Variants in STXBP5 observed in about 807,000 individuals in gnomAD.
STXBP5 encodes the protein syntaxin binding protein 5.
Under a neutral mutation model 152.4 loss-of-function variants are expected in STXBP5, and 50 were observed. The observed-to-expected ratio is 0.33, with a 90% CI of 0.26 to 0.42. The LOEUF (loss-of-function observed/expected upper bound fraction) is 0.42, where lower values mean the gene tolerates loss of function less well. Among genes scored for constraint, STXBP5 ranks in the 10% least tolerant of loss-of-function variants. The pLI, the probability that STXBP5 is intolerant of heterozygous loss-of-function variation, is 1.00. For missense variants in STXBP5, 1,167 were observed against 1,388.6 expected (o/e 0.84, Z 2.54); for synonymous variants, 492 against 494.7 (o/e 0.99, Z 0.07).
intron 25 of STXBP5, among the ~76,000 whole-genome samples, chr6:147,365,415 T>G (rs1403478163): frequency 6.6e-6 from 1 of 152,230 alleles, no homozygotes; most frequent in Non-Finnish European, 1.5e-5. Context: ...TTAATTCATT[T>G]CCATCTGAAA....
At position 147,313,213 on chromosome 6, in the gene STXBP5, G is replaced by A. The variant is rs56700189; in HGVS notation, c.1146-671G>A. On this transcript the variant is annotated intron_variant, in intron 11 of 27. Transcript: ENST00000321680. Reference sequence around the variant, plus strand: ...CTAATTTTTGCAAATTAGCCACTTTGCACTTTTTAAATTTTTTAGCCAGTT... The same window carrying A: ...CTAATTTTTGCAAATTAGCCACTTTACACTTTTTAAATTTTTTAGCCAGTT... 7.2e-3 allele frequency among the ~76,000 whole-genome samples: 1,098 copies of A among 152,152 alleles called. 14 individuals carry two copies. The highest frequency in any genetic ancestry group is 0.025 in the African/African-American group (1,053 of 41,518).
intron 2 of STXBP5, among the ~76,000 whole-genome samples, 161 bp from the exon 3 acceptor site, chr6:147,235,089 T>C (rs182041001): frequency 1.1e-4 from 16 of 152,236 alleles, no homozygotes; most frequent in South Asian, 6.2e-4. Flanking sequence ...CAACAGAAAC[T>C]ATTAGATTGA....
rs369424488 is a variant in STXBP5 at position 147,239,212 on chromosome 6, T to C, written c.373T>C (p.Trp125Arg). The change falls in exon 4 of 28, where the codon TGG (tryptophan) becomes CGG (arginine). Residue 125 changes from tryptophan to arginine, a missense_variant. Physicochemically the swap from Trp to Arg is moderately radical, Grantham distance 101. Coordinates refer to ENST00000321680, the MANE Select transcript of STXBP5 (RefSeq NM_001127715.4). ...SALADDTLHLWNLRQKRPAIL... is the reference protein window; with the variant it reads ...SALADDTLHLRNLRQKRPAIL... ...CTTGGCTGATGACACCTTACACTTATGGAATTTACGTCAGAAGAGGCCTGC... is the reference window on the plus strand; with the variant it reads ...CTTGGCTGATGACACCTTACACTTACGGAATTTACGTCAGAAGAGGCCTGC... The C allele has an allele frequency of 3.7e-6, 6 of 1,613,738 alleles. No homozygotes were observed. Among genetic ancestry groups the C allele is most frequent in the Non-Finnish European group, 5.1e-6 (6 of 1,179,812 alleles).
intron 4 of STXBP5, among the ~76,000 whole-genome samples, chr6:147,248,184 G>A (rs555073181): frequency 6.6e-6 from 1 of 151,816 alleles, no homozygotes; most frequent in East Asian, 1.9e-4. Context: ...GGAGCCTGAG[G>A]CAGGGAGAAT....
intron 26 of STXBP5, among the ~76,000 whole-genome samples, chr6:147,379,490 C>G (rs1244212206): frequency 1.2e-4 from 18 of 152,082 alleles, no homozygotes. Flanking sequence ...CCAGTTCTCT[C>G]AAAACTGATG....
At chr6:147,216,135 T>C (rs1777153015) in intron 2 of STXBP5, among the ~76,000 whole-genome samples, 1 of 152,176 alleles carries the variant, frequency 6.6e-6, no homozygotes, top group Admixed American at 6.5e-5. Context: ...CTCACGCCTG[T>C]AATCCCAGCG....
chr6:147,383,397 A>G (rs1174943027), intron 27 of STXBP5, among the ~76,000 whole-genome samples: 1 of 152,132 alleles, frequency 6.6e-6, no homozygotes, highest in Admixed American at 6.6e-5. Flanking sequence ...TAAAATTGAC[A>G]AACCTTTTTA....
chr6:147,284,928 G>A (rs1312375834), intron 8 of STXBP5, among the ~76,000 whole-genome samples: 1 of 152,166 alleles, frequency 6.6e-6, no homozygotes, highest in Non-Finnish European at 1.5e-5. Context: ...TAGTACATCA[G>A]GTGGGCTGGA....
chr6:147,235,221 C>T (rs987064673), intron 2 of STXBP5, 29 bp from the exon 3 acceptor site: 21 of 1,602,898 alleles, frequency 1.3e-5, no homozygotes, highest in Non-Finnish European at 1.6e-5. Flanking sequence ...GAACAAATAC[C>T]ATAAACTCCT....
At chr6:147,350,060 A>C (rs555289222) in intron 21 of STXBP5, among the ~76,000 whole-genome samples, 55 of 152,318 alleles carry the variant, frequency 3.6e-4, no homozygotes, top group African/African-American at 1.3e-3. Context: ...TAAATTGACT[A>C]TATTAAAATT....
chr6:147,212,745 A>G (rs561140266), intron 2 of STXBP5, among the ~76,000 whole-genome samples: 6 of 152,222 alleles, frequency 3.9e-5, no homozygotes, highest in Non-Finnish European at 7.3e-5. Flanking sequence ...CAGTAGAAGC[A>G]CAAGTGTAAA....
In STXBP5 at chr6:147,389,487, C is replaced by T. The variant is rs1019186535; in HGVS notation, c.*4732C>T. ...TAGTCCAGGGCTACATGTAAGTGGT[C>T]TCTTTATTTTATTCTTTACATCAGA... is the stretch of plus-strand genomic sequence containing the variant. On this transcript the variant is annotated 3_prime_UTR_variant, in exon 28 of 28. Coordinates refer to ENST00000321680, the MANE Select transcript of STXBP5 (RefSeq NM_001127715.4). 6.6e-6 allele frequency: 1 copy of T among 151,784 alleles called. No homozygotes were observed. Among genetic ancestry groups the T allele is most frequent in the Non-Finnish European group, 1.5e-5 (1 of 67,778 alleles). 9.4% of individuals were successfully genotyped at this position (151,784 alleles called of 1,614,324 possible). A position where few individuals can be genotyped will look rare whatever the true frequency, so the allele number is the denominator to read the frequency against.
chr6:147,212,211 G>A (rs1444729804), intron 2 of STXBP5, among the ~76,000 whole-genome samples: 2 of 152,196 alleles, frequency 1.3e-5, no homozygotes, highest in Admixed American at 1.3e-4. Flanking sequence ...GGAAACAAAT[G>A]TGATAGAAAC....
intron 25 of STXBP5, among the ~76,000 whole-genome samples, chr6:147,372,772 T>A (rs1785623261): frequency 6.6e-6 from 1 of 152,054 alleles, no homozygotes; most frequent in African/African-American, 2.4e-5. Context: ...CTTTCCTCTT[T>A]TTGTATTGTC....
chr6:147,269,502 GATA>G (rs1780052296), intron 7 of STXBP5, among the ~76,000 whole-genome samples: 1 of 151,916 alleles, frequency 6.6e-6, no homozygotes, highest in African/African-American at 2.4e-5. Flanking sequence ...AAAAAGCCAG[GATA>G]TACAACCCAT....
chr6:147,379,981 T>G (rs1785997082), intron 26 of STXBP5, among the ~76,000 whole-genome samples: 2 of 152,092 alleles, frequency 1.3e-5, no homozygotes, highest in Non-Finnish European at 2.9e-5. Flanking sequence ...TTTAAGAAAC[T>G]AAGATGTAAG....
At chr6:147,219,030 T>C (rs544713373) in intron 2 of STXBP5, among the ~76,000 whole-genome samples, 3 of 152,170 alleles carry the variant, frequency 2.0e-5, no homozygotes, top group Non-Finnish European at 2.9e-5. Context: ...TGTTTCTGAT[T>C]GTAGTGGAGA....
At chr6:147,287,108 A>G (rs1238580142) in intron 8 of STXBP5, among the ~76,000 whole-genome samples, 1 of 149,706 alleles carries the variant, frequency 6.7e-6, no homozygotes, top group East Asian at 2.0e-4. Flanking sequence ...TAAGCACATC[A>G]TAGAGAATGG....
chr6:147,263,494 G>C (rs916357474), intron 6 of STXBP5, among the ~76,000 whole-genome samples: 6 of 151,748 alleles, frequency 4.0e-5, no homozygotes, highest in African/African-American at 1.5e-4. Flanking sequence ...GCCTGGTTTA[G>C]ACTGCCATTT....
Sources: allele counts gnomAD v4.1 joint callset (sites outside exome capture counted in the v4.1 genomes callset), GRCh38; gene constraint gnomAD v4.1.1; transcripts MANE v1.5; gene names NCBI Gene and HGNC (gene_info 2026-07-23, HGNC 2026-07-21).